The following PSMB11 variants were observed in gnomAD, a reference collection of about 807,000 sequenced individuals.
The protein encoded by PSMB11 is proteasome subunit beta 11.
For missense variants in PSMB11, 411 were observed against 408.2 expected, an observed-to-expected ratio of 1.01 and a Z score of -0.06; for synonymous variants, 163 against 167.7, an observed-to-expected ratio of 0.97 and a Z score of 0.22.
In PSMB11 at chr14:23,042,933, G is replaced by A. The variant is rs775912109; in HGVS notation, c.708G>A (p.Val236=). Residue 236 remains valine, a synonymous_variant, in exon 1 of 1, where the codon GTG becomes GTA. Transcript: ENST00000408907. ...TGCGGGAGAGTGGATGGGAGCATGT[G>A]TCACGCAGTGATGCCTGTGTGCTGT... is the stretch of plus-strand genomic sequence containing the variant. ...FHVRESGWEH[V]SRSDACVLYV... 1.9e-6 allele frequency: 3 copies of A among 1,614,066 alleles called. No homozygotes were observed. Among genetic ancestry groups the A allele is most frequent in the African/African-American group, 1.3e-5 (1 of 74,930 alleles).
chr14:23,043,903 C>A lies in PSMB11; in HGVS notation c.*775C>A. On this transcript the variant is annotated 3_prime_UTR_variant, in exon 1 of 1. Coordinates refer to ENST00000408907, the MANE Select transcript of PSMB11 (RefSeq NM_001099780.2). Reference sequence around the variant, plus strand: ...CCTCTGCCCTGCCTTTCCTCTCTTCCCTGCAGGCTTCCGGAGAGGGATGTG... The same window carrying A: ...CCTCTGCCCTGCCTTTCCTCTCTTCACTGCAGGCTTCCGGAGAGGGATGTG... The A allele has an allele frequency of 6.0e-6, 1 of 167,486 alleles. No homozygotes were observed. The allele number at this position is 167,486 out of a possible 1,614,324, so 10.4% of individuals were successfully genotyped here. A position where few individuals can be genotyped will look rare whatever the true frequency, so the allele number is the denominator to read the frequency against.
rs1308707199 is a variant in PSMB11, at chr14:23,042,473, T to A, written c.248T>A (p.Val83Asp). 3.7e-6 allele frequency: 6 copies of A among 1,614,034 alleles called. No individual in the cohort carries two copies. The highest frequency in any genetic ancestry group is 3.3e-5 in the Admixed American group (2 of 60,016). The change falls in exon 1 of 1, where the codon GTC becomes GAC. Residue 83 changes from valine to aspartate, a missense_variant. Val to Asp is a radical substitution (Grantham distance 152, BLOSUM62 -3). Coordinates refer to ENST00000408907, the MANE Select transcript of PSMB11 (RefSeq NM_001099780.2). Reference sequence around the variant, plus strand: ...GTGGCGTGTCCAGCCTCATGCAAGGTCATCCCTGTGCACCAGCACCTCCTG... The same window carrying A: ...GTGGCGTGTCCAGCCTCATGCAAGGACATCCCTGTGCACCAGCACCTCCTG... Reference protein sequence around the residue: ...SYVACPASCKVIPVHQHLLGT... With the variant: ...SYVACPASCKDIPVHQHLLGT...
Position 23,042,822 on chromosome 14 carries a change from G to A in PSMB11, c.597G>A (p.Gln199=), listed in dbSNP as rs1348640837. The A allele has an allele frequency of 6.2e-7, 1 of 1,613,114 alleles. No homozygotes were observed. Residue 199 remains glutamine, a synonymous_variant, in exon 1 of 1, where the codon CAG becomes CAA. Transcript: ENST00000408907. ...GCTATCGCTACGACATGAGCACCCA[G>A]GAAGCCTACGCCCTGGCTCGCTGCG... ...DRGYRYDMST[Q]EAYALARCAV...
At position 23,042,988 on chromosome 14, in the gene PSMB11, G is replaced by A. The variant is rs375269957; in HGVS notation, c.763G>A (p.Glu255Lys). The change falls in exon 1 of 1, where the codon GAG (glutamate) becomes AAG (lysine). Residue 255 changes from glutamate (E) to lysine (K), a missense_variant. Glu to Lys is a moderately conservative substitution (Grantham distance 56, BLOSUM62 1). Coordinates refer to ENST00000408907, the MANE Select transcript of PSMB11 (RefSeq NM_001099780.2). ...GGAGTTACAGAAGCTCCTGGAGCCG[G>A]AGCCAGAGGAGGATGCCAGCCATGC... The part of the protein sequence containing the change: ...YVELQKLLEP[E>K]PEEDASHAHP... 1.2e-6 allele frequency: 2 copies of A among 1,613,978 alleles called. No individual in the cohort carries two copies. Among genetic ancestry groups the A allele is most frequent in the East Asian group, 2.2e-5 (1 of 44,888 alleles).
rs201585987 is a variant in PSMB11, at chr14:23,043,049, A to G, written c.824A>G (p.Glu275Gly). The G allele has an allele frequency of 5.0e-6, 8 of 1,613,894 alleles. No individual in the cohort carries two copies. The African/African-American group carries it at 9.3e-5, about 19-fold the overall frequency. ...PEPATAHRAA[E>G]DRELSVGPGE... ...CCTGCCACTGCCCACAGAGCTGCAGAAGATAGAGAGCTCTCTGTGGGGCCA... is the reference window on the plus strand; with the variant it reads ...CCTGCCACTGCCCACAGAGCTGCAGGAGATAGAGAGCTCTCTGTGGGGCCA... The change falls in exon 1 of 1, where the codon GAA (glutamate) becomes GGA (glycine). Residue 275 changes from glutamate (E) to glycine (G), a missense_variant. Glu to Gly is a moderately conservative substitution (Grantham distance 98). Coordinates refer to ENST00000408907, the MANE Select transcript of PSMB11 (RefSeq NM_001099780.2).
At position 23,043,209 on chromosome 14, in the gene PSMB11, G is replaced by C; in HGVS notation, c.*81G>C. 9.9e-7 allele frequency: 1 copy of C among 1,012,984 alleles called. No homozygotes were observed. Among genetic ancestry groups the C allele is most frequent in the Non-Finnish European group, 1.4e-6 (1 of 690,746 alleles). The allele number at this position is 1,012,984 out of a possible 1,614,324, so 62.7% of individuals were successfully genotyped here. On this transcript the variant is annotated 3_prime_UTR_variant, in exon 1 of 1. Coordinates refer to ENST00000408907, the MANE Select transcript of PSMB11 (RefSeq NM_001099780.2). ...CAGCAGGGGGAGGGTCCCGCTGGCAGCAGCCTCACAGCGTCTGGCTCTAGC... is the reference window on the plus strand; with the variant it reads ...CAGCAGGGGGAGGGTCCCGCTGGCACCAGCCTCACAGCGTCTGGCTCTAGC...
Position 23,042,419 on chromosome 14 carries a change from C to T in PSMB11, c.194C>T (p.Ala65Val). 6.2e-7 allele frequency: 1 copy of T among 1,613,928 alleles called. No individual in the cohort carries two copies. The highest frequency in any genetic ancestry group is 8.5e-7 in the Non-Finnish European group (1 of 1,180,024). The change falls in exon 1 of 1, where the codon GCT becomes GTT. Residue 65 changes from alanine to valine, a missense_variant. Physicochemically the swap from Ala to Val is moderately conservative, Grantham distance 64. Coordinates refer to ENST00000408907, the MANE Select transcript of PSMB11 (RefSeq NM_001099780.2). ...FRFRHGVIAA[A>V]DTRSSCGSYV... ...TTCCGTCATGGAGTCATTGCTGCAGCTGACACGCGTTCCTCCTGTGGCAGC... is the reference window on the plus strand; with the variant it reads ...TTCCGTCATGGAGTCATTGCTGCAGTTGACACGCGTTCCTCCTGTGGCAGC...
chr14:23,043,159 C>T lies in PSMB11; in HGVS notation c.*31C>T. 6.6e-7 allele frequency: 1 copy of T among 1,521,976 alleles called. No homozygotes were observed. The highest frequency in any genetic ancestry group is 8.9e-7 in the Non-Finnish European group (1 of 1,120,692). 94.3% of individuals were successfully genotyped at this position (1,521,976 alleles called of 1,614,324 possible). A position where few individuals can be genotyped will look rare whatever the true frequency, so the allele number is the denominator to read the frequency against. On this transcript the variant is annotated 3_prime_UTR_variant, in exon 1 of 1. Coordinates refer to ENST00000408907, the MANE Select transcript of PSMB11 (RefSeq NM_001099780.2). ...AGGACTTGGTTGGGGATGGTGTAGGCCTGGGGAGTGGGTGGGAGGATGGGC... is the reference window on the plus strand; with the variant it reads ...AGGACTTGGTTGGGGATGGTGTAGGTCTGGGGAGTGGGTGGGAGGATGGGC...
rs1566718769 is a variant in PSMB11, at chr14:23,042,277, T to C, written c.52T>C (p.Ser18Pro). 3.1e-6 allele frequency: 5 copies of C among 1,609,942 alleles called. No individual in the cohort carries two copies. Among genetic ancestry groups the C allele is most frequent in the Non-Finnish European group, 3.4e-6 (4 of 1,177,902 alleles). ...KWQSPDTQGP[S>P]PHLPRAGGWA... ...GCAGTCCCCTGACACCCAGGGACCA[T>C]CACCTCACCTGCCTCGGGCTGGCGG... The change falls in exon 1 of 1, where the codon TCA (serine) becomes CCA (proline). Residue 18 changes from serine to proline, a missense_variant. Physicochemically the swap from Ser to Pro is moderately conservative, Grantham distance 74. Transcript: ENST00000408907.
rs1594720025 is a variant in PSMB11 at position 23,042,606 on chromosome 14, T to C, written c.381T>C (p.Ser127=). Reference sequence around the variant, plus strand: ...AGGGTCAGCTGCCCAGTGTGGCCAGTGCTGCCAAGCTCTTGTCAGCCATGA... The same window carrying C: ...AGGGTCAGCTGCCCAGTGTGGCCAGCGCTGCCAAGCTCTTGTCAGCCATGA... The part of the protein sequence containing the change: ...LREGQLPSVA[S]AAKLLSAMMS... Residue 127 remains serine (S), a synonymous_variant, in exon 1 of 1, where the codon AGT becomes AGC. Transcript: ENST00000408907. 3 of 1,614,204 alleles carry C rather than the reference T, an allele frequency of 1.9e-6. No individual in the cohort carries two copies. Among genetic ancestry groups the C allele is most frequent in the Non-Finnish European group, 2.5e-6 (3 of 1,180,046 alleles).
In PSMB11 at chr14:23,043,193, G is replaced by A. The variant is rs1251664764; in HGVS notation, c.*65G>A. 8.1e-7 allele frequency: 1 copy of A among 1,235,348 alleles called. No homozygotes were observed. Among genetic ancestry groups the A allele is most frequent in the Non-Finnish European group, 1.1e-6 (1 of 885,074 alleles). The allele number at this position is 1,235,348 out of a possible 1,614,324, so 76.5% of individuals were successfully genotyped here. A position where few individuals can be genotyped will look rare whatever the true frequency, so the allele number is the denominator to read the frequency against. On this transcript the variant is annotated 3_prime_UTR_variant, in exon 1 of 1. Coordinates refer to ENST00000408907, the MANE Select transcript of PSMB11 (RefSeq NM_001099780.2). ...TGGGTGGGAGGATGGGCAGCAGGGG[G>A]AGGGTCCCGCTGGCAGCAGCCTCAC...
In PSMB11 at chr14:23,042,963, G is replaced by A; in HGVS notation, c.738G>A (p.Val246=). Residue 246 remains valine, a synonymous_variant, in exon 1 of 1, where the codon GTG becomes GTA. Coordinates refer to ENST00000408907, the MANE Select transcript of PSMB11 (RefSeq NM_001099780.2). ...GCAGTGATGCCTGTGTGCTGTACGTGGAGTTACAGAAGCTCCTGGAGCCGG... is the reference window on the plus strand; with the variant it reads ...GCAGTGATGCCTGTGTGCTGTACGTAGAGTTACAGAAGCTCCTGGAGCCGG... ...VSRSDACVLY[V]ELQKLLEPEP... 6.2e-7 allele frequency: 1 copy of A among 1,614,176 alleles called. No homozygotes were observed. Among genetic ancestry groups the A allele is most frequent in the Non-Finnish European group, 8.5e-7 (1 of 1,180,028 alleles).
Position 23,042,697 on chromosome 14 carries a change from C to G in PSMB11, c.472C>G (p.Pro158Ala). ...TALCGWDRSG[P>A]ELFYVYSDGT... ...CCTCTGCGGCTGGGACCGCTCTGGC[C>G]CTGAGCTCTTCTACGTCTATAGCGA... Residue 158 changes from proline to alanine, a missense_variant, in exon 1 of 1, where the codon CCT becomes GCT. By Grantham distance (27) the Pro-to-Ala change is conservative (BLOSUM62 -1). Transcript: ENST00000408907. 2 of 1,613,514 alleles carry G rather than the reference C, an allele frequency of 1.2e-6. No individual in the cohort carries two copies. The highest frequency in any genetic ancestry group is 1.3e-5 in the African/African-American group (1 of 75,054).
At position 23,042,659 on chromosome 14, in the gene PSMB11, G is replaced by C. The variant is rs746545434; in HGVS notation, c.434G>C (p.Cys145Ser). ...MMSQYRGLDL[C>S]VATALCGWDR... ...TCTCAATACCGGGGACTGGATCTCT[G>C]TGTGGCCACTGCCCTCTGCGGCTGG... is the stretch of plus-strand genomic sequence containing the variant. Residue 145 changes from cysteine (C) to serine (S), a missense_variant, in exon 1 of 1, where the codon TGT (cysteine) becomes TCT (serine). By Grantham distance (112) the Cys-to-Ser change is moderately radical. Coordinates refer to ENST00000408907, the MANE Select transcript of PSMB11 (RefSeq NM_001099780.2). 2 of 1,613,958 alleles carry C rather than the reference G, an allele frequency of 1.2e-6. No homozygotes were observed. Among genetic ancestry groups the C allele is most frequent in the Non-Finnish European group, 1.7e-6 (2 of 1,180,038 alleles).
In PSMB11 at chr14:23,043,434, T is replaced by C; in HGVS notation, c.*306T>C. 3.4e-6 allele frequency: 1 copy of C among 296,496 alleles called. No individual in the cohort carries two copies. The highest frequency in any genetic ancestry group is 2.2e-5 in the African/African-American group (1 of 46,016). 18.4% of individuals were successfully genotyped at this position (296,496 alleles called of 1,614,324 possible). The stretch of plus-strand genomic sequence containing the variant: ...ACGCATGCTAGGTGCTAGACCCTCT[T>C]TTCTTGCCATCTTCTCTGCTTTTTT... On this transcript the variant is annotated 3_prime_UTR_variant, in exon 1 of 1. Coordinates refer to ENST00000408907, the MANE Select transcript of PSMB11 (RefSeq NM_001099780.2).
Position 23,043,194 on chromosome 14 carries a change from A to G in PSMB11, c.*66A>G, listed in dbSNP as rs2047024195. 5.8e-6 allele frequency: 7 copies of G among 1,203,048 alleles called. No homozygotes were observed. Among genetic ancestry groups the G allele is most frequent in the Admixed American group, 2.4e-5 (1 of 40,922 alleles). The allele number at this position is 1,203,048 out of a possible 1,614,324, so 74.5% of individuals were successfully genotyped here. A position where few individuals can be genotyped will look rare whatever the true frequency, so the allele number is the denominator to read the frequency against. ...GGGTGGGAGGATGGGCAGCAGGGGGAGGGTCCCGCTGGCAGCAGCCTCACA... is the reference window on the plus strand; with the variant it reads ...GGGTGGGAGGATGGGCAGCAGGGGGGGGGTCCCGCTGGCAGCAGCCTCACA... On this transcript the variant is annotated 3_prime_UTR_variant, in exon 1 of 1. Transcript: ENST00000408907.
Position 23,042,468 on chromosome 14 carries a change from C to A in PSMB11, c.243C>A (p.Cys81Ter). 1 of 1,614,160 alleles carries A rather than the reference C, an allele frequency of 6.2e-7. No homozygotes were observed. Among genetic ancestry groups the A allele is most frequent in the Non-Finnish European group, 8.5e-7 (1 of 1,180,040 alleles). ...CGSYVACPAS[C>*]KVIPVHQHLL... ...GCTATGTGGCGTGTCCAGCCTCATGCAAGGTCATCCCTGTGCACCAGCACC... is the reference window on the plus strand; with the variant it reads ...GCTATGTGGCGTGTCCAGCCTCATGAAAGGTCATCCCTGTGCACCAGCACC... Residue 81 changes from cysteine to a stop codon, truncating the protein, a stop_gained, in exon 1 of 1, where the codon TGC becomes TGA. Transcript: ENST00000408907. LOFTEE classifies it low-confidence loss of function (END_TRUNC).
chr14:23,043,171 G>C lies in PSMB11; in HGVS notation c.*43G>C. 6.9e-7 allele frequency: 1 copy of C among 1,442,936 alleles called. No homozygotes were observed. Among genetic ancestry groups the C allele is most frequent in the Admixed American group, 2.1e-5 (1 of 47,630 alleles). 89.4% of individuals were successfully genotyped at this position (1,442,936 alleles called of 1,614,324 possible). On this transcript the variant is annotated 3_prime_UTR_variant, in exon 1 of 1. Transcript: ENST00000408907. ...GGGATGGTGTAGGCCTGGGGAGTGG[G>C]TGGGAGGATGGGCAGCAGGGGGAGG...
rs371415547 is a variant in PSMB11 at position 23,042,907 on chromosome 14, G to C, written c.682G>C (p.Val228Leu). 2 of 1,614,114 alleles carry C rather than the reference G, an allele frequency of 1.2e-6. No homozygotes were observed. Among genetic ancestry groups the C allele is most frequent in the Non-Finnish European group, 1.7e-6 (2 of 1,179,998 alleles). The stretch of plus-strand genomic sequence containing the variant: ...AGGGGGCTCTGTAGACCTTTTCCAC[G>C]TGCGGGAGAGTGGATGGGAGCATGT... ...YSGGSVDLFH[V>L]RESGWEHVSR... Residue 228 changes from valine (V) to leucine (L), a missense_variant, in exon 1 of 1, where the codon GTG becomes CTG. By Grantham distance (32) the Val-to-Leu change is conservative. Coordinates refer to ENST00000408907, the MANE Select transcript of PSMB11 (RefSeq NM_001099780.2).
Sources: allele counts gnomAD v4.1 joint callset, GRCh38; gene constraint gnomAD v4.1.1; transcripts MANE v1.5; gene names NCBI Gene and HGNC (gene_info 2026-07-23, HGNC 2026-07-21).